NPAS1: variants seen among roughly 807,000 people sequenced by gnomAD.
The protein encoded by NPAS1 is neuronal PAS domain-containing protein 1.
A neutral mutation model predicts 49.2 loss-of-function variants in NPAS1; 29 were observed. The ratio of observed to expected loss-of-function variants is 0.59; its 90% CI spans 0.44 to 0.80. The LOEUF (loss-of-function observed/expected upper bound fraction) is 0.80, where lower values mean the gene tolerates loss of function less well. NPAS1 is among the 30% of genes least tolerant of loss of function. The probability of loss-of-function intolerance (pLI) is 0.00; values close to 1 mark genes in which losing one functional copy is unlikely to be tolerated. For missense variants in NPAS1, 825 were observed against 835.5 expected (o/e 0.99, Z 0.15); for synonymous variants, 408 against 380.4 (o/e 1.07, Z -0.84).
chr19:47,037,740 C>T (rs1477768579), intron 6 of NPAS1, among the ~76,000 whole-genome samples: 1 of 152,118 alleles, frequency 6.6e-6, no homozygotes, highest in Admixed American at 6.6e-5. Flanking sequence ...AAGCGTGGGG[C>T]GAAGTCTGCA....
intron 3 of NPAS1, among the ~76,000 whole-genome samples, chr19:47,022,523 A>G (rs2056848433): frequency 6.6e-6 from 1 of 152,002 alleles, no homozygotes; most frequent in South Asian, 2.1e-4. Flanking sequence ...GGAAGTGCCT[A>G]GCTCAGAGCA....
Position 47,021,137 on chromosome 19 carries a change from C to A in NPAS1, c.90C>A (p.Pro30=). 1 of 1,598,598 alleles carries A rather than the reference C, an allele frequency of 6.3e-7. No individual in the cohort carries two copies. The part of the protein sequence containing the change: ...RGASVPWDFL[P]GLMVKAPSGP... ...CCAGCGTCCCCTGGGACTTTCTACC[C>A]GGGCTGATGGTCAAGGCGCCGTCCG... is the stretch of plus-strand genomic sequence containing the variant. Residue 30 remains proline (P), a synonymous_variant, in exon 2 of 12, where the codon CCC becomes CCA. Transcript: ENST00000602212. The surrounding 1 kb of genome is among the most constrained non-coding windows in gnomAD (Gnocchi z 5.7).
intron 3 of NPAS1, among the ~76,000 whole-genome samples, chr19:47,030,985 T>A (rs574738854): frequency 2.0e-5 from 3 of 152,028 alleles, no homozygotes; most frequent in Non-Finnish European, 4.4e-5. Context: ...AGTTGTAGAA[T>A]CTCTATCTCT....
In NPAS1 at chr19:47,039,393, C is replaced by T; in HGVS notation, c.805-14C>T. The T allele has an allele frequency of 3.1e-6, 5 of 1,611,420 alleles. No individual in the cohort carries two copies. The highest frequency in any genetic ancestry group is 4.2e-6 in the Non-Finnish European group (5 of 1,179,744). On this transcript the variant is annotated splice_polypyrimidine_tract_variant and intron_variant, in intron 7 of 11. Coordinates refer to ENST00000602212, the MANE Select transcript of NPAS1 (RefSeq NM_002517.4). ...CCGCCTTGTCCCTCCTCCAACCATG[C>T]CCACCACCAGCAGGTCATCCACGTG...
intron 5 of NPAS1, 93 bp downstream of exon 5, chr19:47,032,825 C>A: frequency 2.2e-6 from 2 of 923,330 alleles, no homozygotes; most frequent in South Asian, 1.4e-5. Context: ...CTCACCATAG[C>A]AGCAAGAAAA....
Position 47,039,479 on chromosome 19 carries a change from G to T in NPAS1, c.877G>T (p.Ala293Ser). The T allele has an allele frequency of 6.2e-7, 1 of 1,610,486 alleles. No homozygotes were observed. The highest frequency in any genetic ancestry group is 8.5e-7 in the Non-Finnish European group (1 of 1,178,856). ...LVALGHTLPP[A>S]PLAELPLHGH... ...GGCCCTCGGGCACACGTTGCCCCCGGCCCCCCTGGCTGAGCTGCCACTCCA... is the reference window on the plus strand; with the variant it reads ...GGCCCTCGGGCACACGTTGCCCCCGTCCCCCCTGGCTGAGCTGCCACTCCA... Residue 293 changes from alanine (A) to serine (S), a missense_variant, in exon 8 of 12, where the codon GCC (alanine) becomes TCC (serine). Transcript: ENST00000602212.
intron 3 of NPAS1, among the ~76,000 whole-genome samples, chr19:47,024,809 CTTTTT>C (rs774304674): frequency 2.2e-5 from 3 of 133,602 alleles, no homozygotes; most frequent in Non-Finnish European, 3.1e-5. Context: ...TTCCCTATTG[CTTTTT>C]TTTTTTTTTT....
intron 10 of NPAS1, among the ~76,000 whole-genome samples, chr19:47,041,898 T>C (rs2057024989): frequency 6.8e-6 from 1 of 147,622 alleles, no homozygotes; most frequent in Non-Finnish European, 1.5e-5. Context: ...GAGGATCACC[T>C]GAGCCCAGGA....
Position 47,021,753 on chromosome 19 carries a change from G to C in NPAS1, c.264G>C (p.Val88=). ...GCCAGCTGGACAAGGCTTCCATCGT[G>C]CGCCTCAGCGTCACCTACCTCCGCC... ...ISSQLDKASI[V]RLSVTYLRLR... is the part of the protein sequence containing the mutation. The change falls in exon 3 of 12, where the codon GTG becomes GTC. Residue 88 remains valine (V), a synonymous_variant. Coordinates refer to ENST00000602212, the MANE Select transcript of NPAS1 (RefSeq NM_002517.4). This position sits in a 1 kb window ranked among gnomAD's most constrained non-coding sequence, Gnocchi z 5.7. 1.3e-6 allele frequency: 2 copies of C among 1,542,966 alleles called. No homozygotes were observed. Among genetic ancestry groups the C allele is most frequent in the Non-Finnish European group, 1.7e-6 (2 of 1,144,576 alleles).
At chr19:47,035,724 C>T in intron 5 of NPAS1, 2 of 500,742 alleles carry the variant, frequency 4.0e-6, no homozygotes, top group Admixed American at 3.8e-5. Flanking sequence ...CACACAGCCC[C>T]TTAATAGAGT....
chr19:47,036,463 G>C (rs1474254189), intron 6 of NPAS1, among the ~76,000 whole-genome samples: 1 of 152,204 alleles, frequency 6.6e-6, no homozygotes, highest in African/African-American at 2.4e-5. Flanking sequence ...CGTTAGGGCC[G>C]GGCGCGGCGG....
chr19:47,039,288 TCA>T (rs2056993282), intron 7 of NPAS1, 117 bp from the exon 8 acceptor site: 2 of 1,471,354 alleles, frequency 1.4e-6, no homozygotes, highest in Non-Finnish European at 1.9e-6. Context: ...ACTGGGGGGG[TCA>T]CACAGTGTCC....
intron 6 of NPAS1, among the ~76,000 whole-genome samples, chr19:47,036,720 A>C (rs1320093948): frequency 6.7e-6 from 1 of 149,348 alleles, no homozygotes; most frequent in Non-Finnish European, 1.5e-5. Flanking sequence ...AAAAATACAA[A>C]AAAAAAAAAA....
At chr19:47,042,515 G>T (rs1296343203) in intron 10 of NPAS1, among the ~76,000 whole-genome samples, 1 of 152,188 alleles carries the variant, frequency 6.6e-6, no homozygotes, top group Non-Finnish European at 1.5e-5. Context: ...GGAACAGCAG[G>T]TTTGAAAGGA....
chr19:47,042,768 C>T lies in NPAS1; in HGVS notation c.1218-42C>T, dbSNP rs8103505. 2.7e-3 allele frequency: 4,210 copies of T among 1,532,068 alleles called. 118 individuals are homozygous for T. In the African/African-American group the frequency reaches 0.052, roughly 19 times the overall value. 94.9% of individuals were successfully genotyped at this position (1,532,068 alleles called of 1,614,324 possible). On this transcript the variant is annotated intron_variant, in intron 10 of 11. Coordinates refer to ENST00000602212, the MANE Select transcript of NPAS1 (RefSeq NM_002517.4). Reference sequence around the variant, plus strand: ...TAAAGCAGGAGGGAGTCCTGAGAGGCCAAGGACCCCTGGCTCCTAACCGCA... The same window carrying T: ...TAAAGCAGGAGGGAGTCCTGAGAGGTCAAGGACCCCTGGCTCCTAACCGCA...
Position 47,021,947 on chromosome 19 carries a change from C to T in NPAS1, c.358+100C>T, listed in dbSNP as rs2056845177. The stretch of plus-strand genomic sequence containing the variant: ...GGCCTGCCCTCGCCCAGATGCTTGT[C>T]TCTGGAGTCAGCCAGGACCTTTGCG... On this transcript the variant is annotated intron_variant, in intron 3 of 11. Transcript: ENST00000602212. This position sits in a 1 kb window ranked among gnomAD's most constrained non-coding sequence, Gnocchi z 5.7. 1.3e-6 allele frequency: 1 copy of T among 746,260 alleles called. No individual in the cohort carries two copies. Among genetic ancestry groups the T allele is most frequent in the Non-Finnish European group, 2.0e-6 (1 of 504,578 alleles). The allele number at this position is 746,260 out of a possible 1,614,324, so 46.2% of individuals were successfully genotyped here.
Position 47,021,475 on chromosome 19 carries a change from C to G in NPAS1, c.123-137C>G. The G allele has an allele frequency of 3.3e-6, 2 of 608,908 alleles. No individual in the cohort carries two copies. The highest frequency in any genetic ancestry group is 5.5e-6 in the Non-Finnish European group (2 of 366,484). The allele number at this position is 608,908 out of a possible 1,614,324, so 37.7% of individuals were successfully genotyped here. On this transcript the variant is annotated intron_variant, in intron 2 of 11. Coordinates refer to ENST00000602212, the MANE Select transcript of NPAS1 (RefSeq NM_002517.4). The surrounding 1 kb of genome is among the most constrained non-coding windows in gnomAD (Gnocchi z 5.7). ...TGTAAAATCCACACTCCGGTCTGCT[C>G]CCACCTCCAGAGATGTGGAATCCAC...
chr19:47,042,152 A>T lies in NPAS1; in HGVS notation c.1218-658A>T, dbSNP rs184758614. ...GAAACCTCATCTCTACTAAAAATTT[A>T]AAAAAAATTAGCTGGGCATAGTGGT... On this transcript the variant is annotated intron_variant, in intron 10 of 11. Transcript: ENST00000602212. 3.0e-3 allele frequency among the ~76,000 whole-genome samples: 460 copies of T among 152,004 alleles called. 9 individuals are homozygous for T. Among genetic ancestry groups the T allele is most frequent in the Admixed American group, 1.7e-3 (26 of 15,268 alleles).
chr19:47,021,137 C>T lies in NPAS1; in HGVS notation c.90C>T (p.Pro30=), dbSNP rs28578816. 9 of 1,598,490 alleles carry T rather than the reference C, an allele frequency of 5.6e-6. No individual in the cohort carries two copies. Among genetic ancestry groups the T allele is most frequent in the Non-Finnish European group, 7.7e-6 (9 of 1,173,590 alleles). ...RGASVPWDFL[P]GLMVKAPSGP... ...CCAGCGTCCCCTGGGACTTTCTACC[C>T]GGGCTGATGGTCAAGGCGCCGTCCG... The change falls in exon 2 of 12, where the codon CCC becomes CCT. Residue 30 remains proline (P), a synonymous_variant. Transcript: ENST00000602212. This position sits in a 1 kb window ranked among gnomAD's most constrained non-coding sequence, Gnocchi z 5.7.
Sources: allele counts gnomAD v4.1 joint callset (sites outside exome capture counted in the v4.1 genomes callset), GRCh38; gene constraint gnomAD v4.1.1; non-coding constraint Gnocchi (gnomAD v3.1); transcripts MANE v1.5; gene names NCBI Gene and HGNC (gene_info 2026-07-23, HGNC 2026-07-21).